The following KCNT2 variants were observed in gnomAD, a reference collection of about 807,000 sequenced individuals.
KCNT2 encodes the protein potassium sodium-activated channel subfamily T member 2.
A neutral mutation model predicts 153.8 loss-of-function variants in KCNT2; 67 were observed. The observed-to-expected ratio is 0.44, with a 90% CI of 0.36 to 0.53. KCNT2 has a LOEUF of 0.53. Among genes scored for constraint, KCNT2 ranks in the 20% least tolerant of loss-of-function variants. The pLI is 0.00. For synonymous variants in KCNT2, 500 were observed against 458.8 expected (o/e 1.09, Z -1.15); for missense variants, 975 against 1,354.8 (o/e 0.72, Z 4.40).
Position 196,431,037 on chromosome 1 carries a change from C to T in KCNT2, c.639-1280G>A, listed in dbSNP as rs1674106179. Among the ~76,000 whole-genome samples the T allele has an allele frequency of 2.0e-5, 3 of 152,214 alleles. No individual in the cohort carries two copies. In the South Asian group the frequency reaches 6.2e-4, roughly 32 times the overall value. ...AATCTTATAAAAGTGTTGGAGGGAA[C>T]CAGCTAGCCCTCTTTTTGCTCTTCT... is the stretch of plus-strand genomic sequence containing the variant. On this transcript the variant is annotated intron_variant, in intron 8 of 27. Transcript: ENST00000294725.
chr1:196,310,419 T>C (rs1662051657), intron 21 of KCNT2, among the ~76,000 whole-genome samples: 1 of 151,898 alleles, frequency 6.6e-6, no homozygotes, highest in Admixed American at 6.6e-5. Context: ...TAAATGACAG[T>C]ATGATAAATA....
chr1:196,265,436 T>C (rs1657447626), intron 25 of KCNT2, among the ~76,000 whole-genome samples: 1 of 152,194 alleles, frequency 6.6e-6, no homozygotes, highest in Non-Finnish European at 1.5e-5. Flanking sequence ...CCATGTCATG[T>C]GTCTTAGCCC....
intron 17 of KCNT2, 117 bp from the exon 18 acceptor site, chr1:196,331,378 A>T: frequency 1.5e-6 from 1 of 673,714 alleles, no homozygotes; most frequent in Non-Finnish European, 2.7e-6. Context: ...TGTTGCAATT[A>T]TATTTTGATA....
At chr1:196,249,513 C>T (rs1655760422) in intron 26 of KCNT2, among the ~76,000 whole-genome samples, 1 of 152,154 alleles carries the variant, frequency 6.6e-6, no homozygotes, top group South Asian at 2.1e-4. Flanking sequence ...TGGCTCATGC[C>T]TGTAATCCCA....
chr1:196,544,934 C>T (rs1305445105), intron 1 of KCNT2, among the ~76,000 whole-genome samples: 1 of 150,180 alleles, frequency 6.7e-6, no homozygotes, highest in African/African-American at 2.5e-5. Context: ...ATAATGACTG[C>T]TTTCACAAAA....
At chr1:196,397,758 A>T (rs1404445120) in intron 13 of KCNT2, among the ~76,000 whole-genome samples, 1 of 151,548 alleles carries the variant, frequency 6.6e-6, no homozygotes. Flanking sequence ...TAAGAATTTT[A>T]AGATATGTAA....
At chr1:196,463,921 C>T (rs777330912) in intron 8 of KCNT2, among the ~76,000 whole-genome samples, 8 of 151,756 alleles carry the variant, frequency 5.3e-5, no homozygotes, top group African/African-American at 9.7e-5. Context: ...GTAAAAATAA[C>T]GTGTCCTTTT....
At chr1:196,519,324 A>G (rs1653032807) in intron 1 of KCNT2, among the ~76,000 whole-genome samples, 1 of 152,126 alleles carries the variant, frequency 6.6e-6, no homozygotes, top group Non-Finnish European at 1.5e-5. Context: ...TATAGCATTA[A>G]ACGCTGATAT....
intron 1 of KCNT2, among the ~76,000 whole-genome samples, chr1:196,579,964 G>C (rs562936636): frequency 6.6e-6 from 1 of 152,128 alleles, no homozygotes; most frequent in East Asian, 1.9e-4. Flanking sequence ...TGGAAAAATG[G>C]CTTCCACATT....
intron 8 of KCNT2, among the ~76,000 whole-genome samples, chr1:196,439,215 G>T (rs548183285): frequency 6.6e-6 from 1 of 151,782 alleles, no homozygotes; most frequent in African/African-American, 2.4e-5. Flanking sequence ...GAACACTGCC[G>T]CAGAATAAAA....
intron 1 of KCNT2, among the ~76,000 whole-genome samples, chr1:196,537,161 T>A (rs961702071): frequency 2.0e-5 from 3 of 152,154 alleles, no homozygotes; most frequent in Non-Finnish European, 2.9e-5. Flanking sequence ...AGCCTCATCA[T>A]CTTAATTCTA....
At chr1:196,588,280 A>C (rs1558110538) in intron 1 of KCNT2, among the ~76,000 whole-genome samples, 1 of 151,562 alleles carries the variant, frequency 6.6e-6, no homozygotes. Flanking sequence ...GGAAAAAAAA[A>C]CAGGAAAACA....
At chr1:196,434,727 T>A (rs1674467919) in intron 8 of KCNT2, among the ~76,000 whole-genome samples, 2 of 151,982 alleles carry the variant, frequency 1.3e-5, no homozygotes, top group African/African-American at 2.4e-5. Context: ...ACTGGACTAA[T>A]GACTTGCTTT....
At position 196,242,086 on chromosome 1, in the gene KCNT2, ACTGGGTGCC is replaced by A. The variant is rs1165914473; in HGVS notation, c.3212-6025_3212-6017del. Among the ~76,000 whole-genome samples, 40 of 152,104 alleles carry A rather than the reference ACTGGGTGCC, an allele frequency of 2.6e-4. 1 individual carries two copies. The highest frequency in any genetic ancestry group is 2.6e-3 in the Admixed American group (40 of 15,256). The stretch of plus-strand genomic sequence containing the variant: ...TTACCCTACCACAATCTTCAAGGCT[ACTGGGTGCC>A]CTGGTGAATGGAAGCTATCAATAAA... On this transcript the variant is annotated intron_variant, in intron 26 of 27. Coordinates refer to ENST00000294725, the MANE Select transcript of KCNT2 (RefSeq NM_198503.5).
chr1:196,452,460 C>G (rs138460368), intron 8 of KCNT2, among the ~76,000 whole-genome samples: 1 of 152,066 alleles, frequency 6.6e-6, no homozygotes, highest in Non-Finnish European at 1.5e-5. Context: ...CCTATATGGT[C>G]TCAGTCTCCA....
At chr1:196,473,555 G>A (rs1451085294) in intron 5 of KCNT2, among the ~76,000 whole-genome samples, 1 of 152,162 alleles carries the variant, frequency 6.6e-6, no homozygotes, top group African/African-American at 2.4e-5. Flanking sequence ...ACTTCCCACA[G>A]AGGACTAATT....
chr1:196,517,842 A>G (rs191605336), intron 1 of KCNT2, among the ~76,000 whole-genome samples: 1 of 152,340 alleles, frequency 6.6e-6, no homozygotes, highest in East Asian at 1.9e-4. Flanking sequence ...TGGAAAACAT[A>G]TTTCAGGATA....
intron 26 of KCNT2, among the ~76,000 whole-genome samples, chr1:196,255,828 A>G (rs973648144): frequency 1.3e-5 from 2 of 151,842 alleles, no homozygotes; most frequent in East Asian, 1.9e-4. Context: ...AGGTATATGT[A>G]TATCTCAGAT....
At chr1:196,323,546 TC>T (rs147556411) in intron 19 of KCNT2, among the ~76,000 whole-genome samples, 1,965 of 152,056 alleles carry the variant, frequency 0.013, 44 homozygotes, top group African/African-American at 0.045. Context: ...AAGATGCTTT[TC>T]AATATGACTG....
Sources: gnomAD v4.1 joint callset for allele counts (sites outside exome capture counted in the v4.1 genomes callset) on GRCh38, gnomAD v4.1.1 for gene constraint, MANE v1.5 for transcripts, NCBI Gene and HGNC (gene_info 2026-07-23, HGNC 2026-07-21) for gene names.